The following NRXN1 variants were observed in gnomAD, a reference collection of about 807,000 sequenced individuals.
NRXN1 encodes neurexin-1.
A neutral mutation model predicts 150.9 loss-of-function variants in NRXN1; 39 were observed. The ratio of observed to expected loss-of-function variants is 0.26; its 90% CI spans 0.20 to 0.34. NRXN1 has a LOEUF of 0.34. Among genes scored for constraint, NRXN1 ranks in the 10% least tolerant of loss-of-function variants. NRXN1 has a pLI of 1.00. For missense variants in NRXN1, 1,815 were observed against 1,949.9 expected (o/e 0.93, Z 1.30); for synonymous variants, 924 against 757.0 (o/e 1.22, Z -3.62).
rs532879233 is a variant in NRXN1, at chr2:50,466,262, T to C, written c.3245-701A>G. Among the ~76,000 whole-genome samples the C allele has an allele frequency of 1.9e-3, 293 of 151,858 alleles. 2 individuals carry two copies. Among genetic ancestry groups the C allele is most frequent in the African/African-American group, 6.7e-3 (276 of 41,478 alleles). On this transcript the variant is annotated intron_variant, in intron 16 of 22. Transcript: ENST00000401669. ...ATCAAAGCACTAAAGGCAATCACTA[T>C]ACAAACATATTCAAGACTGAAAGCC...
chr2:50,014,251 T>C (rs1686202703), intron 21 of NRXN1, among the ~76,000 whole-genome samples: 1 of 152,064 alleles, frequency 6.6e-6, no homozygotes, highest in South Asian at 2.1e-4. Context: ...AAAATGCTAT[T>C]TGAGGATTAG....
At chr2:50,216,886 T>C (rs956492320) in intron 18 of NRXN1, among the ~76,000 whole-genome samples, 1 of 152,110 alleles carries the variant, frequency 6.6e-6, no homozygotes, top group African/African-American at 2.4e-5. Flanking sequence ...TTCTAAATTA[T>C]ACACAGTGTG....
chr2:50,996,864 C>T (rs551763349), intron 2 of NRXN1, among the ~76,000 whole-genome samples: 91 of 152,132 alleles, frequency 6.0e-4, no homozygotes, highest in African/African-American at 7.7e-4. Flanking sequence ...CTTCACATGG[C>T]GTAGGTTTCA....
intron 15 of NRXN1, among the ~76,000 whole-genome samples, chr2:50,486,977 C>T (rs1020497880): frequency 3.3e-5 from 5 of 152,060 alleles, no homozygotes; most frequent in Non-Finnish European, 5.9e-5. Flanking sequence ...ACATGAGATA[C>T]GACGAACCCT....
At chr2:50,714,826 G>T (rs1485896992) in intron 5 of NRXN1, among the ~76,000 whole-genome samples, 1 of 152,192 alleles carries the variant, frequency 6.6e-6, no homozygotes, top group African/African-American at 2.4e-5. Flanking sequence ...CAGGATAATG[G>T]GCAGATCATT....
At chr2:51,009,854 T>C (rs1667579663) in intron 2 of NRXN1, among the ~76,000 whole-genome samples, 2 of 152,028 alleles carry the variant, frequency 1.3e-5, no homozygotes, top group Admixed American at 6.6e-5. Flanking sequence ...TTCTGGACCC[T>C]GCATCTTGTT....
chr2:50,211,028 T>G (rs1207742234), intron 18 of NRXN1, among the ~76,000 whole-genome samples: 1 of 151,682 alleles, frequency 6.6e-6, no homozygotes, highest in Non-Finnish European at 1.5e-5. Flanking sequence ...AAGAGAAAGC[T>G]TTTGAATAAT....
intron 17 of NRXN1, among the ~76,000 whole-genome samples, chr2:50,441,646 A>G (rs2085964686): frequency 6.6e-6 from 1 of 152,146 alleles, no homozygotes; most frequent in African/African-American, 2.4e-5. Context: ...CGTCTGTATA[A>G]CTTGTTCTGG....
In NRXN1 at chr2:50,334,110, T is replaced by A. The variant is rs1200356292; in HGVS notation, c.3365-97140A>T. Among the ~76,000 whole-genome samples the A allele has an allele frequency of 2.0e-5, 3 of 151,146 alleles. No individual in the cohort carries two copies. The South Asian group carries it at 6.3e-4, about 31-fold the overall frequency. On this transcript the variant is annotated intron_variant, in intron 17 of 22. Coordinates refer to ENST00000401669, the MANE Select transcript of NRXN1 (RefSeq NM_001330078.2). ...CCTCTCTGGCAACTCCCAGCCAATG[T>A]CTAGAGAGCACAGCACTGTGTTTTC...
At chr2:50,390,048 C>T (rs2081583436) in intron 17 of NRXN1, among the ~76,000 whole-genome samples, 4 of 152,244 alleles carry the variant, frequency 2.6e-5, no homozygotes, top group African/African-American at 2.4e-5. Flanking sequence ...ATACTTTCTT[C>T]GTCTTAAATA....
chr2:50,878,753 G>GA (rs1252349616), intron 5 of NRXN1, among the ~76,000 whole-genome samples: 1 of 151,834 alleles, frequency 6.6e-6, no homozygotes, highest in Non-Finnish European at 1.5e-5. Flanking sequence ...TGTATTTGGG[G>GA]AAAAAGCTTA....
At chr2:50,580,550 T>C (rs908175168) in intron 8 of NRXN1, among the ~76,000 whole-genome samples, 12 of 152,246 alleles carry the variant, frequency 7.9e-5, no homozygotes, top group Non-Finnish European at 1.6e-4. Flanking sequence ...GAGACACTTC[T>C]GACTCACCTA....
intron 21 of NRXN1, among the ~76,000 whole-genome samples, chr2:50,017,717 T>C (rs749187852): frequency 6.6e-6 from 1 of 150,768 alleles, no homozygotes; most frequent in Non-Finnish European, 1.5e-5. Flanking sequence ...TCAGATATCA[T>C]CTAATGACTC....
intron 5 of NRXN1, among the ~76,000 whole-genome samples, chr2:50,664,438 TGG>T (rs1491589242): frequency 6.9e-5 from 9 of 130,396 alleles, no homozygotes; most frequent in African/African-American, 1.8e-4. Context: ...TGTGTGTGTG[TGG>T]CGTGGCGGGG....
chr2:50,769,355 C>T (rs975508285), intron 5 of NRXN1, among the ~76,000 whole-genome samples: 1 of 152,078 alleles, frequency 6.6e-6, no homozygotes, highest in Non-Finnish European at 1.5e-5. Flanking sequence ...AACCTGCTGT[C>T]TCTCTAATGC....
At chr2:50,265,801 G>A (rs935157282) in intron 17 of NRXN1, among the ~76,000 whole-genome samples, 7 of 151,964 alleles carry the variant, frequency 4.6e-5, no homozygotes, top group Admixed American at 3.9e-4. Context: ...ATTTCACCCA[G>A]GGTTCTTGGA....
At chr2:50,868,322 C>T (rs1559371970) in intron 5 of NRXN1, among the ~76,000 whole-genome samples, 1 of 148,396 alleles carries the variant, frequency 6.7e-6, no homozygotes, top group Non-Finnish European at 1.5e-5. Context: ...CATGTTCTCA[C>T]CTATAAGCGA....
At chr2:50,382,606 T>A (rs888731343) in intron 17 of NRXN1, among the ~76,000 whole-genome samples, 1 of 152,330 alleles carries the variant, frequency 6.6e-6, no homozygotes, top group South Asian at 2.1e-4. Context: ...AAATAGCCTA[T>A]GGCCAGGAAG....
rs148759585 is a variant in NRXN1, at chr2:50,935,941, C to T, written c.773-9986G>A. On this transcript the variant is annotated intron_variant, in intron 2 of 22. Coordinates refer to ENST00000401669, the MANE Select transcript of NRXN1 (RefSeq NM_001330078.2). ...TCAGTGTTGAAAGAATGCTGGCCTGCTCCAAAGATTAAATATCTTTAATGA... is the reference window on the plus strand; with the variant it reads ...TCAGTGTTGAAAGAATGCTGGCCTGTTCCAAAGATTAAATATCTTTAATGA... Among the ~76,000 whole-genome samples, 276 of 152,148 alleles carry T rather than the reference C, an allele frequency of 1.8e-3. 2 individuals are homozygous for T. Among genetic ancestry groups the T allele is most frequent in the Admixed American group, 0.015 (227 of 15,264 alleles).
Sources: allele counts gnomAD v4.1 joint callset (sites outside exome capture counted in the v4.1 genomes callset), GRCh38; gene constraint gnomAD v4.1.1; transcripts MANE v1.5; gene names NCBI Gene and HGNC (gene_info 2026-07-23, HGNC 2026-07-21).